The following MEIS3 variants were observed in gnomAD, a reference collection of about 807,000 sequenced individuals.
MEIS3 encodes Meis homeobox 3.
A neutral mutation model predicts 51.4 loss-of-function variants in MEIS3; 38 were observed. That is an observed-to-expected ratio of 0.74 (90% CI 0.57 to 0.97). MEIS3 has a LOEUF of 0.97. MEIS3 is among the 50% of genes least tolerant of loss of function. The pLI is 0.00. For missense variants in MEIS3, 456 were observed against 502.6 expected, an observed-to-expected ratio of 0.91 and a Z score of 0.89; for synonymous variants, 198 against 201.8, an observed-to-expected ratio of 0.98 and a Z score of 0.16.
upstream of MEIS3, among the ~76,000 whole-genome samples, chr19:47,421,249 A>G (rs377599388): frequency 1.9e-4 from 29 of 152,240 alleles, no homozygotes; most frequent in South Asian, 5.8e-3. Context: ...CCTGTTTTAC[A>G]GACGGGAAGC....
At chr19:47,414,922 C>T (rs1174859288) in intron 5 of MEIS3, 56 bp from the exon 6 acceptor site, 1 of 1,188,600 alleles carries the variant, frequency 8.4e-7, no homozygotes, top group African/African-American at 1.6e-5. Context: ...GGCGGGGGTG[C>T]TCAGGGACGG....
At chr19:47,420,916 A>ACCCACC (rs1971688582), upstream of MEIS3, among the ~76,000 whole-genome samples, 1 of 101,432 alleles carries the variant, frequency 9.9e-6, no homozygotes, top group Non-Finnish European at 2.0e-5. Context: ...TCTCTCACAC[A>ACCCACC]CACACACACA....
chr19:47,417,450 C>T (rs766573259), intron 1 of MEIS3, 100 bp from the exon 2 acceptor site: 3 of 1,410,454 alleles, frequency 2.1e-6, no homozygotes, highest in Admixed American at 1.9e-5. Context: ...AGGAGATGCC[C>T]TTCTGTGTCC....
chr19:47,414,625 G>T lies in MEIS3; in HGVS notation c.597+92C>A, dbSNP rs1239628254. ...CTGTGATCAGGCTGACTGTGGCTTCGTCTGAGGCTGTGTAGTGCACATGCG... is the reference window on the plus strand; with the variant it reads ...CTGTGATCAGGCTGACTGTGGCTTCTTCTGAGGCTGTGTAGTGCACATGCG... On this transcript the variant is annotated intron_variant, in intron 6 of 12. Transcript: ENST00000558555. The T allele has an allele frequency of 6.9e-6, 10 of 1,439,548 alleles. No homozygotes were observed. In the African/African-American group the frequency reaches 1.3e-4, roughly 18 times the overall value. 89.2% of individuals were successfully genotyped at this position (1,439,548 alleles called of 1,614,324 possible).
intron 11 of MEIS3, 93 bp from the exon 12 acceptor site, chr19:47,406,619 T>C (rs1019087679): frequency 1.0e-5 from 13 of 1,255,076 alleles, no homozygotes; most frequent in Non-Finnish European, 1.4e-5. Context: ...CACCAGGGGA[T>C]CCCTCTACCA....
intron 7 of MEIS3, 32 bp downstream of exon 7, chr19:47,409,404 C>T: frequency 6.3e-7 from 1 of 1,592,016 alleles, no homozygotes; most frequent in Non-Finnish European, 8.6e-7. Context: ...GGTTGACTCC[C>T]ATGTTTCCCT....
At chr19:47,421,260 G>A (rs911681036), upstream of MEIS3, among the ~76,000 whole-genome samples, 36 of 152,234 alleles carry the variant, frequency 2.4e-4, no homozygotes, top group Admixed American at 9.1e-4. Flanking sequence ...GACGGGAAGC[G>A]TGGAGCCCTC....
At chr19:47,420,786 C>T (rs1236653722), upstream of MEIS3, among the ~76,000 whole-genome samples, 2 of 147,510 alleles carry the variant, frequency 1.4e-5, no homozygotes, top group African/African-American at 2.5e-5. Context: ...TGGAGGATGC[C>T]GGCGGGGGAC....
At chr19:47,418,750 G>T in intron 1 of MEIS3, 1 of 251,176 alleles carries the variant, frequency 4.0e-6, no homozygotes, top group Non-Finnish European at 7.3e-6. Flanking sequence ...AAAGAGGGGG[G>T]AGACCAGGGA....
At chr19:47,411,413 T>G (rs987511709) in intron 6 of MEIS3, among the ~76,000 whole-genome samples, 3 of 152,190 alleles carry the variant, frequency 2.0e-5, no homozygotes, top group Non-Finnish European at 4.4e-5. Flanking sequence ...TTAGTTCAGG[T>G]CAGCTTTTGC....
At chr19:47,407,015 C>T (rs766804755) in intron 10 of MEIS3, 44 bp from the exon 11 acceptor site, 2 of 1,578,174 alleles carry the variant, frequency 1.3e-6, no homozygotes, top group Middle Eastern at 1.7e-4. Flanking sequence ...CCAGGAAGCC[C>T]GGGACCCGGC....
Position 47,414,302 on chromosome 19 carries a change from T to C in MEIS3, c.597+415A>G, listed in dbSNP as rs1035374720. Among the ~76,000 whole-genome samples the C allele has an allele frequency of 2.1e-4, 32 of 152,092 alleles. 1 individual carries two copies. Among genetic ancestry groups the C allele is most frequent in the African/African-American group, 7.2e-4 (30 of 41,404 alleles). ...GGCTGGAGCGGGTGTGTGTATGCAGTGGACACATACTCAATTGAGAACGGC... is the reference window on the plus strand; with the variant it reads ...GGCTGGAGCGGGTGTGTGTATGCAGCGGACACATACTCAATTGAGAACGGC... On this transcript the variant is annotated intron_variant, in intron 6 of 12. Transcript: ENST00000558555.
rs746716534 is a variant in MEIS3 at position 47,409,142 on chromosome 19, A to G, written c.815T>C (p.Val272Ala). 2.5e-6 allele frequency: 4 copies of G among 1,610,788 alleles called. No homozygotes were observed. In the Admixed American group the frequency reaches 6.7e-5, roughly 27 times the overall value. The change falls in exon 8 of 13, where the codon GTG (valine) becomes GCG (alanine). Residue 272 changes from valine (V) to alanine (A), a missense_variant. Transcript: ENST00000558555. ...CCAGGCTCGCATGATGTTGGTGGCC[A>G]CCTTGGGGAAGATCCCCCTCTTCTT... ...RNKKRGIFPK[V>A]ATNIMRAWLF...
chr19:47,406,853 C>A, intron 11 of MEIS3, 35 bp downstream of exon 11: 1 of 1,533,848 alleles, frequency 6.5e-7, no homozygotes, highest in Non-Finnish European at 8.8e-7. Context: ...TCATGGTGCG[C>A]AGGGGCGGGG....
chr19:47,414,904 G>GCCCTGCCCCCGTGGGT, intron 5 of MEIS3, 38 bp from the exon 6 acceptor site: 1 of 1,413,382 alleles, frequency 7.1e-7, no homozygotes, highest in Non-Finnish European at 9.9e-7. Context: ...GGCCACCCAC[G>GCCCTGCCCCCGTGGGT]GGGGCAGGGC....
At chr19:47,403,574 G>T in intron 12 of MEIS3, 21 bp from the exon 13 acceptor site, 1 of 421,230 alleles carries the variant, frequency 2.4e-6, no homozygotes, top group Non-Finnish European at 4.8e-6. Flanking sequence ...GGGAGGAGAG[G>T]CCAAGTCAGG....
intron 6 of MEIS3, 134 bp downstream of exon 6, chr19:47,414,583 G>T (rs1971299694): frequency 9.8e-7 from 1 of 1,017,212 alleles, no homozygotes; most frequent in Non-Finnish European, 1.4e-6. Flanking sequence ...GTGTGTGGCT[G>T]TGTGCATATG....
At chr19:47,407,569 G>C in intron 8 of MEIS3, 141 bp from the exon 9 acceptor site, 1 of 1,533,494 alleles carries the variant, frequency 6.5e-7, no homozygotes, top group Non-Finnish European at 8.7e-7. Context: ...GAGCGTCTCT[G>C]CGCTCCCCAG....
At position 47,417,491 on chromosome 19, in the gene MEIS3, G is replaced by C. The variant is rs566173436; in HGVS notation, c.13-141C>G. 7.5e-5 allele frequency: 80 copies of C among 1,067,284 alleles called. 3 individuals carry two copies. The South Asian group carries it at 8.8e-4, about 12-fold the overall frequency. The allele number at this position is 1,067,284 out of a possible 1,614,324, so 66.1% of individuals were successfully genotyped here. A position where few individuals can be genotyped will look rare whatever the true frequency, so the allele number is the denominator to read the frequency against. On this transcript the variant is annotated intron_variant, in intron 1 of 12. Coordinates refer to ENST00000558555, the MANE Select transcript of MEIS3 (RefSeq NM_001301059.2). ...ACCTGCCTGTGGTCCCCAGGTGTCT[G>C]AGCCCCCAAGCTTGAAGCCCTCCAG...
Sources: gnomAD v4.1 joint callset for allele counts (sites outside exome capture counted in the v4.1 genomes callset) on GRCh38, gnomAD v4.1.1 for gene constraint, MANE v1.5 for transcripts, NCBI Gene and HGNC (gene_info 2026-07-23, HGNC 2026-07-21) for gene names.